The following FMNL2 variants were observed in gnomAD, a reference collection of about 807,000 sequenced individuals.
The protein encoded by FMNL2 is formin like 2, also known as formin-like protein 2.
Under a neutral mutation model 130.2 loss-of-function variants are expected in FMNL2, and 51 were observed. The observed-to-expected ratio is 0.39, with a 90% CI of 0.31 to 0.49. The LOEUF (loss-of-function observed/expected upper bound fraction) is 0.49, where lower values mean the gene tolerates loss of function less well. Ranked by LOEUF, FMNL2 falls within the 20% of genes least tolerant of loss-of-function variation. The pLI, the probability that FMNL2 is intolerant of heterozygous loss-of-function variation, is 0.85. For missense variants in FMNL2, 977 were observed against 1,316.2 expected, an observed-to-expected ratio of 0.74 and a Z score of 3.99; for synonymous variants, 465 against 467.1, an observed-to-expected ratio of 1.00 and a Z score of 0.06.
chr2:152,621,023 T>C (rs933476476), intron 15 of FMNL2: 19 of 985,276 alleles, frequency 1.9e-5, no homozygotes, highest in African/African-American at 5.2e-5. Context: ...TGATGGACTA[T>C]GGAATATAAA....
intron 3 of FMNL2, among the ~76,000 whole-genome samples, chr2:152,543,955 C>T (rs1302074703): frequency 6.6e-6 from 1 of 152,132 alleles, no homozygotes; most frequent in Non-Finnish European, 1.5e-5. Flanking sequence ...TATCATGATA[C>T]TTCTCCCCTC....
intron 2 of FMNL2, 117 bp from the exon 3 acceptor site, chr2:152,542,622 A>G: frequency 2.1e-6 from 2 of 940,480 alleles, no homozygotes; most frequent in Non-Finnish European, 3.4e-6. Context: ...GACTGCTCGC[A>G]GGGCCACATT....
chr2:152,526,698 A>G (rs918268036), intron 2 of FMNL2, among the ~76,000 whole-genome samples: 3 of 152,008 alleles, frequency 2.0e-5, no homozygotes, highest in South Asian at 2.1e-4. Context: ...ATTCTTTTCA[A>G]ATTTTGTCTT....
rs772490822 is a variant in FMNL2, at chr2:152,580,989, C to T, written c.816C>T (p.Ala272=). 15 of 1,613,756 alleles carry T rather than the reference C, an allele frequency of 9.3e-6. No homozygotes were observed. The highest frequency in any genetic ancestry group is 6.6e-5 in the South Asian group (6 of 91,068). The change falls in exon 9 of 26, where the codon GCC becomes GCT. Residue 272 remains alanine, a synonymous_variant. Transcript: ENST00000288670. ...CCCTTGTCTTAGAACTGTTGGCAGC[C>T]GTTTGTCTTGTCAGAGGCGGGCATG... is the stretch of plus-strand genomic sequence containing the variant. The part of the protein sequence containing the change: ...TKALVLELLA[A]VCLVRGGHEI...
At chr2:152,499,452 T>C (rs1436245495) in intron 1 of FMNL2, among the ~76,000 whole-genome samples, 1 of 152,192 alleles carries the variant, frequency 6.6e-6, no homozygotes, top group Non-Finnish European at 1.5e-5. Context: ...GGGGATTTCA[T>C]ATAACATAGC....
chr2:152,590,722 A>G (rs137884108), intron 9 of FMNL2, among the ~76,000 whole-genome samples: 11 of 152,096 alleles, frequency 7.2e-5, no homozygotes, highest in African/African-American at 2.6e-4. Flanking sequence ...AATAATATAT[A>G]TGTGTATCAG....
chr2:152,619,428 T>C, intron 14 of FMNL2, 81 bp from the exon 15 acceptor site: 2 of 1,535,662 alleles, frequency 1.3e-6, no homozygotes, highest in South Asian at 1.2e-5. Flanking sequence ...TGTTTTCAGA[T>C]GGCTTTATAT....
intron 1 of FMNL2, among the ~76,000 whole-genome samples, chr2:152,349,708 A>G (rs1248702837): frequency 6.6e-6 from 1 of 151,442 alleles, no homozygotes; most frequent in African/African-American, 2.4e-5. Context: ...ATCAGTGTAG[A>G]TGTAGATATG....
intron 1 of FMNL2, among the ~76,000 whole-genome samples, chr2:152,435,402 G>T (rs184755917): frequency 6.6e-6 from 1 of 152,256 alleles, no homozygotes; most frequent in African/African-American, 2.4e-5. Context: ...ACTATATTTA[G>T]ATATCCCATG....
intron 1 of FMNL2, among the ~76,000 whole-genome samples, chr2:152,463,588 C>T (rs1038483038): frequency 6.6e-6 from 1 of 152,188 alleles, no homozygotes; most frequent in Admixed American, 6.5e-5. Context: ...TGAAGTTCCC[C>T]TCTTAGACTT....
intron 1 of FMNL2, among the ~76,000 whole-genome samples, chr2:152,349,714 A>C (rs1341250376): frequency 6.6e-6 from 1 of 151,756 alleles, no homozygotes; most frequent in African/African-American, 2.4e-5. Context: ...GTAGATGTAG[A>C]TATGCTAAGG....
chr2:152,345,431 C>T (rs949639065), intron 1 of FMNL2, among the ~76,000 whole-genome samples: 54 of 152,244 alleles, frequency 3.5e-4, no homozygotes, highest in African/African-American at 1.3e-3. Flanking sequence ...ATGTCATGAT[C>T]AGATTTGCAC....
chr2:152,543,339 C>T (rs1694420692), intron 3 of FMNL2, among the ~76,000 whole-genome samples: 1 of 152,132 alleles, frequency 6.6e-6, no homozygotes, highest in African/African-American at 2.4e-5. Context: ...CAGACTCTCC[C>T]CTTTTACAAA....
At position 152,357,062 on chromosome 2, in the gene FMNL2, CATAAGTTTAATAT is replaced by C. The variant is rs1560293513; in HGVS notation, c.117+21345_117+21357del. On this transcript the variant is annotated intron_variant, in intron 1 of 25. Coordinates refer to ENST00000288670, the MANE Select transcript of FMNL2 (RefSeq NM_052905.4). ...GTTTAATATATCACGATAAATATTA[CATAAGTTTAATAT>C]ATCACGATAAATATTACATAAGTTT... Among the ~76,000 whole-genome samples the C allele has an allele frequency of 1.3e-4, 18 of 139,082 alleles. 1 individual carries two copies. The highest frequency in any genetic ancestry group is 6.2e-4 in the East Asian group (3 of 4,820). The allele number at this position is 139,082 out of a possible 152,430, so 91.2% of individuals were successfully genotyped here. A position where few individuals can be genotyped will look rare whatever the true frequency, so the allele number is the denominator to read the frequency against.
intron 1 of FMNL2, among the ~76,000 whole-genome samples, chr2:152,428,751 A>T (rs1223337997): frequency 1.3e-5 from 2 of 152,180 alleles, no homozygotes; most frequent in African/African-American, 4.8e-5. Context: ...TAATTCTGTG[A>T]TGTGGCTATT....
chr2:152,383,273 C>CTT (rs35206829), intron 1 of FMNL2, among the ~76,000 whole-genome samples: 13,151 of 97,698 alleles, frequency 0.13, 922 homozygotes, highest in Middle Eastern at 0.29. Flanking sequence ...TCCGTTAATC[C>CTT]TTTTTTTTTT....
At chr2:152,619,958 A>G (rs1015597162) in intron 15 of FMNL2, among the ~76,000 whole-genome samples, 1 of 151,636 alleles carries the variant, frequency 6.6e-6, no homozygotes, top group Non-Finnish European at 1.5e-5. Context: ...CTCCTACACC[A>G]TCTTCCTGCC....
intron 1 of FMNL2, among the ~76,000 whole-genome samples, chr2:152,442,370 A>G (rs933100316): frequency 2.0e-5 from 3 of 148,900 alleles, no homozygotes; most frequent in Non-Finnish European, 3.0e-5. Flanking sequence ...TCCTGCCTCA[A>G]CCTCCCTAGT....
chr2:152,337,557 TGATTAATAA>T (rs1337351931), intron 1 of FMNL2, among the ~76,000 whole-genome samples: 1 of 152,148 alleles, frequency 6.6e-6, no homozygotes, highest in African/African-American at 2.4e-5. Context: ...TTTACCCTGC[TGATTAATAA>T]CACATGGTGT....
Sources: gnomAD v4.1 joint callset for allele counts (sites outside exome capture counted in the v4.1 genomes callset) on GRCh38, gnomAD v4.1.1 for gene constraint, MANE v1.5 for transcripts, NCBI Gene and HGNC (gene_info 2026-07-23, HGNC 2026-07-21) for gene names.